The following PCDHA1 variants were observed in gnomAD, a reference collection of about 807,000 sequenced individuals.
The protein encoded by PCDHA1 is protocadherin alpha 1.
Under a neutral mutation model 61.3 loss-of-function variants are expected in PCDHA1, and 42 were observed. The ratio of observed to expected loss-of-function variants is 0.69; its 90% CI spans 0.54 to 0.89. PCDHA1 has a LOEUF of 0.89. Among genes scored for constraint, PCDHA1 ranks in the 40% least tolerant of loss-of-function variants. The pLI is 0.00. For missense variants in PCDHA1, 1,256 were observed against 1,235.3 expected (o/e 1.02, Z -0.25); for synonymous variants, 610 against 553.8 (o/e 1.10, Z -1.43).
chr5:140,932,088 T>G (rs2088018403), intron 1 of PCDHA1, among the ~76,000 whole-genome samples: 1 of 151,932 alleles, frequency 6.6e-6, no homozygotes, highest in Non-Finnish European at 1.5e-5. Context: ...CAGGAAAACA[T>G]GGTTTTTATC....
Position 140,786,473 on chromosome 5 carries a change from T to G in PCDHA1, c.183T>G (p.Pro61=), listed in dbSNP as rs781881742. The part of the protein sequence containing the change: ...DLGLELAELV[P]RLFRVASKTH... ...GACTGGAGCTGGCGGAGCTGGTGCC[T>G]CGCCTGTTCCGGGTGGCGTCCAAAA... The change falls in exon 1 of 4, where the codon CCT becomes CCG. Residue 61 remains proline, a synonymous_variant. Transcript: ENST00000504120. 3.1e-6 allele frequency: 5 copies of G among 1,613,682 alleles called. No individual in the cohort carries two copies. The highest frequency in any genetic ancestry group is 2.2e-5 in the East Asian group (1 of 44,888).
chr5:140,842,018 C>T, intron 1 of PCDHA1: 1 of 1,613,764 alleles, frequency 6.2e-7, no homozygotes, highest in Non-Finnish European at 8.5e-7. Context: ...GGTCACAGTG[C>T]TGGATGTGAA....
chr5:140,815,100 G>A (rs1368331732), intron 1 of PCDHA1: 1 of 151,938 alleles, frequency 6.6e-6, no homozygotes, highest in Non-Finnish European at 1.5e-5. Context: ...CAAATCTCTT[G>A]TAGTTAGCAT....
rs144119560 is a variant in PCDHA1 at position 140,883,581 on chromosome 5, C to G, written c.2394+94897C>G. ...GGGGGCTCGCCTTCGCTGTGGGCCACGGCCAGCGTGTCGGTGGGGGTGGCC... is the reference window on the plus strand; with the variant it reads ...GGGGGCTCGCCTTCGCTGTGGGCCAGGGCCAGCGTGTCGGTGGGGGTGGCC... On this transcript the variant is annotated intron_variant, in intron 1 of 3. Coordinates refer to ENST00000504120, the MANE Select transcript of PCDHA1 (RefSeq NM_018900.4). 2.6e-4 allele frequency: 420 copies of G among 1,614,018 alleles called. 1 individual carries two copies. In the African/African-American group the frequency reaches 5.3e-3, roughly 20 times the overall value.
At chr5:140,988,672 G>A (rs1269904309) in intron 3 of PCDHA1, among the ~76,000 whole-genome samples, 1 of 152,180 alleles carries the variant, frequency 6.6e-6, no homozygotes, top group Non-Finnish European at 1.5e-5. Context: ...TAGACTCTAA[G>A]ATAATTCTTT....
intron 1 of PCDHA1, chr5:140,835,470 GCC>G: frequency 6.2e-7 from 1 of 1,613,868 alleles, no homozygotes; most frequent in Non-Finnish European, 8.5e-7. Flanking sequence ...TCCAGAGGAC[GCC>G]CAACCAGGTA....
chr5:140,854,089 G>A, intron 1 of PCDHA1: 1 of 266,188 alleles, frequency 3.8e-6, no homozygotes, highest in Non-Finnish European at 5.6e-6. Flanking sequence ...TTGAGCCTGG[G>A]ACATTGAGGC....
At chr5:140,974,083 T>C (rs1345131685) in intron 1 of PCDHA1, among the ~76,000 whole-genome samples, 1 of 152,236 alleles carries the variant, frequency 6.6e-6, no homozygotes, top group Non-Finnish European at 1.5e-5. Flanking sequence ...AACCATGACT[T>C]CAAAAATCAA....
At chr5:140,808,322 A>C in intron 1 of PCDHA1, 1 of 1,614,226 alleles carries the variant, frequency 6.2e-7, no homozygotes, top group Non-Finnish European at 8.5e-7. Context: ...CGACAAAGAC[A>C]TGGGTGTCAA....
At chr5:140,794,102 A>T (rs905363700) in intron 1 of PCDHA1, among the ~76,000 whole-genome samples, 1 of 152,250 alleles carries the variant, frequency 6.6e-6, no homozygotes, top group Non-Finnish European at 1.5e-5. Context: ...CAGTCAAGAA[A>T]TGGAAGCAAC....
intron 1 of PCDHA1, chr5:140,877,313 C>T (rs2057018817): frequency 6.2e-7 from 1 of 1,613,836 alleles, no homozygotes; most frequent in Non-Finnish European, 8.5e-7. Flanking sequence ...TTGCAACCGG[C>T]GGCGGTCGGC....
intron 1 of PCDHA1, chr5:140,812,398 G>A (rs2126638368): frequency 3.3e-5 from 5 of 151,504 alleles, no homozygotes; most frequent in African/African-American, 1.2e-4. Flanking sequence ...CTAGCTAAGG[G>A]GCTTGTCAGT....
Position 140,809,392 on chromosome 5 carries a change from C to T in PCDHA1, c.2394+20708C>T, listed in dbSNP as rs782047510. The T allele has an allele frequency of 2.5e-6, 4 of 1,614,100 alleles. No homozygotes were observed. The South Asian group carries it at 4.4e-5, about 18-fold the overall frequency. ...CCACCGAGGGCGCGTGCGCTCCGGG[C>T]AAGCCCACGCTGGTGTGCTCCAGTG... On this transcript the variant is annotated intron_variant, in intron 1 of 3. Transcript: ENST00000504120.
chr5:140,887,047 C>G (rs530605993), intron 1 of PCDHA1, among the ~76,000 whole-genome samples: 1 of 151,882 alleles, frequency 6.6e-6, no homozygotes, highest in African/African-American at 2.4e-5. Flanking sequence ...TTTTATAGTG[C>G]ATATGTTCTG....
At chr5:140,845,107 C>T (rs1420580197) in intron 1 of PCDHA1, among the ~76,000 whole-genome samples, 2 of 149,448 alleles carry the variant, frequency 1.3e-5, no homozygotes, top group East Asian at 1.9e-4. Flanking sequence ...CTCTTAATGC[C>T]TGTCCATGTT....
At position 141,004,143 on chromosome 5, in the gene PCDHA1, C is replaced by T. The variant is rs1023273119; in HGVS notation, c.2543-5484C>T. 2.6e-5 allele frequency among the ~76,000 whole-genome samples: 4 copies of T among 152,252 alleles called. No homozygotes were observed. In the East Asian group the frequency reaches 7.7e-4, roughly 29 times the overall value. ...TATCTCCATGATTCTGCCCCAAAGG[C>T]ATGACATTTTATAGGCAAAGCCAGC... On this transcript the variant is annotated intron_variant, in intron 3 of 3. Transcript: ENST00000504120.
chr5:140,853,378 T>G, intron 1 of PCDHA1: 1 of 985,390 alleles, frequency 1.0e-6, no homozygotes, highest in Non-Finnish European at 1.2e-6. Context: ...ATGGTAAAAT[T>G]CAAAACAGCC....
intron 1 of PCDHA1, chr5:140,862,723 C>T: frequency 1.8e-6 from 1 of 568,234 alleles, no homozygotes; most frequent in East Asian, 4.8e-5. Flanking sequence ...CGAGTGCGCG[C>T]TGTCTAGCTA....
chr5:140,960,892 G>A (rs1401042931), intron 1 of PCDHA1, among the ~76,000 whole-genome samples: 1 of 152,126 alleles, frequency 6.6e-6, no homozygotes, highest in East Asian at 1.9e-4. Flanking sequence ...AATGAATTTG[G>A]GGCATATCTT....
Sources: gnomAD v4.1 joint callset for allele counts (sites outside exome capture counted in the v4.1 genomes callset) on GRCh38, gnomAD v4.1.1 for gene constraint, MANE v1.5 for transcripts, NCBI Gene and HGNC (gene_info 2026-07-23, HGNC 2026-07-21) for gene names.